Variants in ZNF324B observed in about 807,000 individuals in gnomAD.
The protein encoded by ZNF324B is zinc finger protein 324B.
In ZNF324B, 7 loss-of-function variants were observed where a neutral mutation model predicts 10.6. The ratio of observed to expected loss-of-function variants is 0.66; its 90% CI spans 0.38 to 1.24. ZNF324B has a LOEUF of 1.24. Among genes scored for constraint, ZNF324B ranks in the 50% most tolerant of loss-of-function variants. The pLI is 0.02. For synonymous variants in ZNF324B, 316 were observed against 321.0 expected, an observed-to-expected ratio of 0.98 and a Z score of 0.17; for missense variants, 640 against 764.7, an observed-to-expected ratio of 0.84 and a Z score of 1.92.
At position 58,456,617 on chromosome 19, in the gene ZNF324B, G is replaced by T; in HGVS notation, c.*38G>T. ...CAGCCCAACCCTTTCTTGGCCTTCT[G>T]TGAATCCCTTCCACAGCTAAAGGGT... is the stretch of plus-strand genomic sequence containing the variant. On this transcript the variant is annotated 3_prime_UTR_variant, in exon 4 of 4. Coordinates refer to ENST00000336614, the MANE Select transcript of ZNF324B (RefSeq NM_207395.3). The surrounding 1 kb of genome is among the most constrained non-coding windows in gnomAD (Gnocchi z 4.7). The T allele has an allele frequency of 6.3e-7, 1 of 1,590,214 alleles. No individual in the cohort carries two copies. The highest frequency in any genetic ancestry group is 8.6e-7 in the Non-Finnish European group (1 of 1,167,052).
At chr19:58,448,595 C>T (rs1481940318), upstream of ZNF324B, among the ~76,000 whole-genome samples, 2 of 152,084 alleles carry the variant, frequency 1.3e-5, no homozygotes, top group Admixed American at 6.6e-5. Context: ...GGCATGATGG[C>T]GGGTGCCTGT....
upstream of ZNF324B, among the ~76,000 whole-genome samples, chr19:58,449,881 A>G (rs1303866382): frequency 6.6e-6 from 1 of 152,164 alleles, no homozygotes; most frequent in Non-Finnish European, 1.5e-5. Context: ...AAATAAGTAG[A>G]CTTTGGGGGA....
the ZNF324B span, among the ~76,000 whole-genome samples, chr19:58,423,528 A>G: frequency 3.3e-5 from 5 of 152,210 alleles, no homozygotes; most frequent in Non-Finnish European, 7.3e-5. Flanking sequence ...AATCCCTATG[A>G]AGATATCAAA....
the ZNF324B span, among the ~76,000 whole-genome samples, chr19:58,427,143 T>G: frequency 1.3e-5 from 2 of 152,032 alleles, no homozygotes; most frequent in African/African-American, 2.4e-5. Context: ...TTTTATTATT[T>G]TTTTGAGACG....
chr19:58,431,092 T>C, the ZNF324B span: 1 of 152,218 alleles, frequency 6.6e-6, no homozygotes, highest in Admixed American at 6.5e-5. Flanking sequence ...GTGCATGAAC[T>C]GAAAAGTGCT....
the ZNF324B span, among the ~76,000 whole-genome samples, chr19:58,426,970 G>T: frequency 6.6e-6 from 1 of 152,190 alleles, no homozygotes; most frequent in African/African-American, 2.4e-5. Context: ...TCAGGACTTT[G>T]CCTGGAATAT....
chr19:58,434,689 G>T, the ZNF324B span: 1 of 1,613,960 alleles, frequency 6.2e-7, no homozygotes, highest in Admixed American at 1.7e-5. Context: ...CAGATGGTTG[G>T]GGAGAGTGGA....
rs375873489 is a variant in ZNF324B at position 58,455,351 on chromosome 19, C to T, written c.407C>T (p.Pro136Leu). Reference sequence around the variant, plus strand: ...GCCTCCCCATCTCAGGAGAGAAAACCCACGGGGGTGTCGGTGATCTACTGG... The same window carrying T: ...GCCTCCCCATCTCAGGAGAGAAAACTCACGGGGGTGTCGGTGATCTACTGG... ...PGASPSQERKPTGVSVIYWER... is the reference protein window; with the variant it reads ...PGASPSQERKLTGVSVIYWER... Residue 136 changes from proline (P) to leucine (L), a missense_variant, in exon 4 of 4, where the codon CCC becomes CTC. By Grantham distance (98) the Pro-to-Leu change is moderately conservative. This residue lies in a region of ZNF324B where 345 missense variants were observed against 387.9 expected (regional missense o/e 0.89). Coordinates refer to ENST00000336614, the MANE Select transcript of ZNF324B (RefSeq NM_207395.3). The surrounding 1 kb of genome is among the most constrained non-coding windows in gnomAD (Gnocchi z 7.0). 4.3e-6 allele frequency: 7 copies of T among 1,614,078 alleles called. No individual in the cohort carries two copies. The highest frequency in any genetic ancestry group is 5.9e-6 in the Non-Finnish European group (7 of 1,180,036).
the ZNF324B span, chr19:58,437,805 AG>A: frequency 2.0e-6 from 2 of 985,444 alleles, no homozygotes; most frequent in Non-Finnish European, 2.4e-6. Context: ...AGGCAGTCAT[AG>A]CCCCTCAAGT....
chr19:58,440,031 T>C, the ZNF324B span: 2 of 566,394 alleles, frequency 3.5e-6, no homozygotes, highest in South Asian at 2.3e-5. Flanking sequence ...GCAGAGTAAT[T>C]AGCCGGGCAC....
At position 58,456,491 on chromosome 19, in the gene ZNF324B, C is replaced by A; in HGVS notation, c.1547C>A (p.Thr516Asn). 1 of 1,614,206 alleles carries A rather than the reference C, an allele frequency of 6.2e-7. No homozygotes were observed. The highest frequency in any genetic ancestry group is 8.5e-7 in the Non-Finnish European group (1 of 1,180,040). The change falls in exon 4 of 4, where the codon ACC (threonine) becomes AAC (asparagine). Residue 516 changes from threonine (T) to asparagine (N), a missense_variant. Thr to Asn is a moderately conservative substitution (Grantham distance 65). Around this residue, in one of 3 missense-constraint regions of ZNF324B, gnomAD observed 238 missense variants for 258.0 expected, o/e 0.92. Transcript: ENST00000336614. This position sits in a 1 kb window ranked among gnomAD's most constrained non-coding sequence, Gnocchi z 4.7. ...EKTNAAAPDC[T>N]PGPGFLQGHH... ...ACCAATGCCGCAGCACCAGACTGCACCCCGGGGCCAGGTTTCCTTCAGGGA... is the reference window on the plus strand; with the variant it reads ...ACCAATGCCGCAGCACCAGACTGCAACCCGGGGCCAGGTTTCCTTCAGGGA...
rs2052924158 is a variant in ZNF324B, at chr19:58,456,488, G to A, written c.1544G>A (p.Cys515Tyr). ...TEKTNAAAPD[C>Y]TPGPGFLQGH... ...AAGACCAATGCCGCAGCACCAGACT[G>A]CACCCCGGGGCCAGGTTTCCTTCAG... The change falls in exon 4 of 4, where the codon TGC (cysteine) becomes TAC (tyrosine). Residue 515 changes from cysteine to tyrosine, a missense_variant. By Grantham distance (194) the Cys-to-Tyr change is radical. Around this residue, in one of 3 missense-constraint regions of ZNF324B, gnomAD observed 238 missense variants for 258.0 expected, o/e 0.92. Transcript: ENST00000336614. The surrounding 1 kb of genome is among the most constrained non-coding windows in gnomAD (Gnocchi z 4.7). The A allele has an allele frequency of 4.3e-6, 7 of 1,614,182 alleles. No homozygotes were observed. Among genetic ancestry groups the A allele is most frequent in the Non-Finnish European group, 5.9e-6 (7 of 1,180,046 alleles).
upstream of ZNF324B, among the ~76,000 whole-genome samples, chr19:58,450,464 C>CAA (rs35336344): frequency 4.4e-3 from 459 of 104,754 alleles, 4 homozygotes; most frequent in East Asian, 0.015. Flanking sequence ...GACCCTGTCT[C>CAA]AAAAAAAAAA....
chr19:58,420,509 G>A, the ZNF324B span, among the ~76,000 whole-genome samples: 1 of 127,566 alleles, frequency 7.8e-6, no homozygotes, highest in Non-Finnish European at 1.7e-5. Flanking sequence ...TGGGAGGATC[G>A]CTTGAGCCGA....
At chr19:58,425,271 A>G in the ZNF324B span, among the ~76,000 whole-genome samples, 4 of 149,188 alleles carry the variant, frequency 2.7e-5, no homozygotes, top group African/African-American at 9.9e-5. Context: ...AAAAAAAAAG[A>G]TGGGGTCTTG....
chr19:58,437,136 G>A, the ZNF324B span: 10 of 1,614,152 alleles, frequency 6.2e-6, no homozygotes, highest in Middle Eastern at 1.6e-4. Context: ...CTCCTCTTGG[G>A]AGAAGTATAC....
chr19:58,448,911 T>G (rs1233859620), upstream of ZNF324B, among the ~76,000 whole-genome samples: 1 of 152,170 alleles, frequency 6.6e-6, no homozygotes, highest in Non-Finnish European at 1.5e-5. Context: ...TGTGGAGAAA[T>G]TCAAGAAATT....
chr19:58,449,145 G>C (rs1286905408), upstream of ZNF324B, among the ~76,000 whole-genome samples: 1 of 152,238 alleles, frequency 6.6e-6, no homozygotes, highest in Non-Finnish European at 1.5e-5. Context: ...TACAGCTTAG[G>C]CTGTGGCTTC....
At chr19:58,420,648 G>A in the ZNF324B span, among the ~76,000 whole-genome samples, 1 of 151,902 alleles carries the variant, frequency 6.6e-6, no homozygotes, top group African/African-American at 2.4e-5. Flanking sequence ...TGATCTTCCA[G>A]CCTCAGACTC....
Sources: gnomAD v4.1 joint callset for allele counts (sites outside exome capture counted in the v4.1 genomes callset) on GRCh38, gnomAD v4.1.1 for gene constraint, gnomAD v4.1.1 regional missense constraint, Gnocchi (gnomAD v3.1) non-coding constraint, MANE v1.5 for transcripts, NCBI Gene and HGNC (gene_info 2026-07-23, HGNC 2026-07-21) for gene names.